Variants in FAM177A1 observed in about 807,000 individuals in gnomAD.
The protein encoded by FAM177A1 is family with sequence similarity 177 member A1.
FAM177A1 carries 22 observed loss-of-function variants against 26.1 expected under a neutral mutation model. That is an observed-to-expected ratio of 0.84 (90% CI 0.60 to 1.20). The LOEUF (loss-of-function observed/expected upper bound fraction) is 1.20, where lower values mean the gene tolerates loss of function less well. Ranked by LOEUF, FAM177A1 falls within the 50% of genes most tolerant of loss-of-function variation. The pLI is 0.00. For missense variants in FAM177A1, 296 were observed against 291.1 expected, an observed-to-expected ratio of 1.02 and a Z score of -0.12; for synonymous variants, 95 against 99.3, an observed-to-expected ratio of 0.96 and a Z score of 0.26.
chr14:35,061,710 A>G (rs922743633), intron 2 of FAM177A1, among the ~76,000 whole-genome samples: 1 of 151,090 alleles, frequency 6.6e-6, no homozygotes, highest in Non-Finnish European at 1.5e-5. Context: ...ACATGTATAC[A>G]TATGTAACTA....
rs1470509322 is a variant in FAM177A1 at position 35,082,724 on chromosome 14, CCTT to C, written c.*1499_*1501del. 3.3e-5 allele frequency: 5 copies of C among 152,028 alleles called. No individual in the cohort carries two copies. Among genetic ancestry groups the C allele is most frequent in the African/African-American group, 1.2e-4 (5 of 41,374 alleles). The allele number at this position is 152,028 out of a possible 1,614,324, so 9.4% of individuals were successfully genotyped here. A position where few individuals can be genotyped will look rare whatever the true frequency, so the allele number is the denominator to read the frequency against. On this transcript the variant is annotated 3_prime_UTR_variant, in exon 5 of 5. Transcript: ENST00000280987. ...CAGAAATTAATAGTTATATTAATAG[CCTT>C]CTAAACAGCATTAAGTTTTCAATTT... is the stretch of plus-strand genomic sequence containing the variant.
chr14:35,069,329 A>G (rs1427500109), intron 2 of FAM177A1, among the ~76,000 whole-genome samples: 1 of 145,560 alleles, frequency 6.9e-6, no homozygotes, highest in Non-Finnish European at 1.5e-5. Context: ...CTTATTGCCG[A>G]GGCTGGAGTG....
chr14:35,057,521 A>G (rs913752249), intron 2 of FAM177A1, among the ~76,000 whole-genome samples: 8 of 152,024 alleles, frequency 5.3e-5, no homozygotes, highest in Admixed American at 6.6e-5. Flanking sequence ...TTGGGATTAC[A>G]GGTGCACGCC....
chr14:35,065,939 T>C (rs1047064541), intron 2 of FAM177A1, among the ~76,000 whole-genome samples: 2 of 152,150 alleles, frequency 1.3e-5, no homozygotes, highest in African/African-American at 2.4e-5. Flanking sequence ...CCTGACCTCG[T>C]AATCCACCCA....
chr14:35,066,225 C>G (rs565056036), intron 2 of FAM177A1, among the ~76,000 whole-genome samples: 1 of 151,726 alleles, frequency 6.6e-6, no homozygotes, highest in Non-Finnish European at 1.5e-5. Flanking sequence ...GGCCACCACA[C>G]CTGTCTAATT....
intron 2 of FAM177A1, among the ~76,000 whole-genome samples, chr14:35,056,730 G>A (rs1430768493): frequency 6.6e-6 from 1 of 152,068 alleles, no homozygotes; most frequent in Non-Finnish European, 1.5e-5. Context: ...TAGTTTTTTT[G>A]ATTACTAATT....
chr14:35,055,266 G>A (rs2045042087), intron 2 of FAM177A1, among the ~76,000 whole-genome samples: 1 of 146,200 alleles, frequency 6.8e-6, no homozygotes, highest in African/African-American at 2.6e-5. Flanking sequence ...TCGTGCCATT[G>A]TACTCCAGCC....
chr14:35,072,262 A>C (rs938832059), intron 2 of FAM177A1, among the ~76,000 whole-genome samples: 1 of 152,092 alleles, frequency 6.6e-6, no homozygotes, highest in African/African-American at 2.4e-5. Flanking sequence ...GTGACAAAGA[A>C]AAGATAAAAG....
intron 2 of FAM177A1, among the ~76,000 whole-genome samples, chr14:35,072,572 A>G (rs2045338894): frequency 6.6e-6 from 1 of 152,190 alleles, no homozygotes; most frequent in African/African-American, 2.4e-5. Context: ...AGGTGGTAAC[A>G]GTTCTTTTCC....
At chr14:35,058,388 A>G (rs2045095771) in intron 2 of FAM177A1, among the ~76,000 whole-genome samples, 1 of 152,022 alleles carries the variant, frequency 6.6e-6, no homozygotes, top group Non-Finnish European at 1.5e-5. Flanking sequence ...AAAATGAGAT[A>G]TTGCAGTCTT....
chr14:35,062,753 C>T (rs2045178315), intron 2 of FAM177A1, among the ~76,000 whole-genome samples: 2 of 148,844 alleles, frequency 1.3e-5, no homozygotes, highest in African/African-American at 5.0e-5. Context: ...ATGATCATGC[C>T]ACTGTACTCC....
Position 35,082,283 on chromosome 14 carries a change from G to C in FAM177A1, c.*1055G>C, listed in dbSNP as rs976278298. 2.0e-5 allele frequency: 3 copies of C among 152,186 alleles called. No homozygotes were observed. The highest frequency in any genetic ancestry group is 7.2e-5 in the African/African-American group (3 of 41,418). The allele number at this position is 152,186 out of a possible 1,614,324, so 9.4% of individuals were successfully genotyped here. ...AATCCCAGCACTTTGGGAGGCTGAAGTGGGCAGATTACTTGAGGTCAGGAG... is the reference window on the plus strand; with the variant it reads ...AATCCCAGCACTTTGGGAGGCTGAACTGGGCAGATTACTTGAGGTCAGGAG... On this transcript the variant is annotated 3_prime_UTR_variant, in exon 5 of 5. Transcript: ENST00000280987.
chr14:35,064,352 A>G (rs914586146), intron 2 of FAM177A1, among the ~76,000 whole-genome samples: 2 of 152,162 alleles, frequency 1.3e-5, no homozygotes, highest in African/African-American at 2.4e-5. Context: ...GAGCGACTGC[A>G]CTCCAGCCTG....
At chr14:35,067,530 T>C (rs956126358) in intron 2 of FAM177A1, among the ~76,000 whole-genome samples, 1 of 152,220 alleles carries the variant, frequency 6.6e-6, no homozygotes, top group Non-Finnish European at 1.5e-5. Context: ...TTCCAGTTCC[T>C]TTCAATATAT....
intron 1 of FAM177A1, 118 bp from the exon 2 acceptor site, chr14:35,053,160 C>G: frequency 1.1e-6 from 1 of 947,346 alleles, no homozygotes; most frequent in East Asian, 2.6e-5. Flanking sequence ...CAGAACAAAC[C>G]AAAACTGCTT....
At chr14:35,061,795 G>A (rs2045163163) in intron 2 of FAM177A1, among the ~76,000 whole-genome samples, 1 of 151,516 alleles carries the variant, frequency 6.6e-6, no homozygotes, top group African/African-American at 2.4e-5. Flanking sequence ...AAGTATTTTT[G>A]ACTTGCCTCT....
In FAM177A1 at chr14:35,077,673, G is replaced by A. The variant is rs1287537616; in HGVS notation, c.406+457G>A. Among the ~76,000 whole-genome samples the A allele has an allele frequency of 2.7e-5, 4 of 150,674 alleles. No individual in the cohort carries two copies. In the East Asian group the frequency reaches 5.8e-4, roughly 22 times the overall value. The stretch of plus-strand genomic sequence containing the variant: ...AATTTTTTGTATTTTTAGTAGAGAC[G>A]GGGTTTCACCTTGTTGGCCAGGATG... On this transcript the variant is annotated intron_variant, in intron 3 of 4. Transcript: ENST00000280987.
intron 2 of FAM177A1, among the ~76,000 whole-genome samples, chr14:35,075,051 A>G (rs1429589013): frequency 6.6e-6 from 1 of 152,144 alleles, no homozygotes; most frequent in African/African-American, 2.4e-5. Context: ...AAAACTCCAG[A>G]AAACAATTAT....
At chr14:35,077,092 C>T (rs1418479855) in intron 2 of FAM177A1, 58 bp from the exon 3 acceptor site, 14 of 1,387,258 alleles carry the variant, frequency 1.0e-5, no homozygotes, top group Non-Finnish European at 1.4e-5. Flanking sequence ...TTCATTCTGG[C>T]CTAAATATAT....
Sources: allele counts gnomAD v4.1 joint callset (sites outside exome capture counted in the v4.1 genomes callset), GRCh38; gene constraint gnomAD v4.1.1; transcripts MANE v1.5; gene names NCBI Gene and HGNC (gene_info 2026-07-23, HGNC 2026-07-21).